Variants in MYO1B observed in about 807,000 individuals in gnomAD.
MYO1B encodes myosin IB, also known as unconventional myosin-Ib.
Under a neutral mutation model 159.7 loss-of-function variants are expected in MYO1B, and 72 were observed. That is an observed-to-expected ratio of 0.45 (90% CI 0.37 to 0.55). MYO1B has a LOEUF of 0.55. MYO1B is among the 20% of genes least tolerant of loss of function. The pLI is 0.00. For missense variants in MYO1B, 1,062 were observed against 1,364.8 expected (o/e 0.78, Z 3.50); for synonymous variants, 468 against 473.8 (o/e 0.99, Z 0.16).
In MYO1B at chr2:191,334,302, A is replaced by G. The variant is rs187980682; in HGVS notation, c.346+4273A>G. 7.2e-5 allele frequency among the ~76,000 whole-genome samples: 11 copies of G among 152,152 alleles called. No homozygotes were observed. In the East Asian group the frequency reaches 2.1e-3, roughly 29 times the overall value. ...GTATGTGACATCCGCCTTCTCAGAG[A>G]GTTCTTAACACTACTACTTCCTCCT... On this transcript the variant is annotated intron_variant, in intron 4 of 30. Coordinates refer to ENST00000392318, the MANE Select transcript of MYO1B (RefSeq NM_001130158.3).
chr2:191,258,815 G>C (rs1050641366), intron 1 of MYO1B, among the ~76,000 whole-genome samples: 1 of 152,206 alleles, frequency 6.6e-6, no homozygotes. Context: ...AGAACTGCCA[G>C]CCCAGTCTTA....
At chr2:191,252,294 T>G (rs1158257988) in intron 1 of MYO1B, among the ~76,000 whole-genome samples, 3 of 152,240 alleles carry the variant, frequency 2.0e-5, no homozygotes, top group African/African-American at 7.2e-5. Context: ...CATAAAAATG[T>G]ATGAACTGCC....
intron 27 of MYO1B, among the ~76,000 whole-genome samples, chr2:191,411,527 T>TGGCA (rs1697246912): frequency 6.6e-6 from 1 of 152,234 alleles, no homozygotes; most frequent in Admixed American, 6.5e-5. Context: ...AAATTTCTGT[T>TGGCA]GGCAATATAC....
chr2:191,385,860 A>G lies in MYO1B; in HGVS notation c.1354-24A>G, dbSNP rs761216699. The G allele has an allele frequency of 3.7e-6, 6 of 1,611,136 alleles. No homozygotes were observed. In the Admixed American group the frequency reaches 1.0e-4, roughly 27 times the overall value. ...AACAATATAGTGAGGAAGGAAGGAAACTTTTTTATTTCCGTTTTCCCAGAA... is the reference window on the plus strand; with the variant it reads ...AACAATATAGTGAGGAAGGAAGGAAGCTTTTTTATTTCCGTTTTCCCAGAA... On this transcript the variant is annotated intron_variant, in intron 15 of 30. Transcript: ENST00000392318.
In MYO1B at chr2:191,280,095, G is replaced by A. The variant is rs115141917; in HGVS notation, c.135+3065G>A. Among the ~76,000 whole-genome samples, 532 of 152,222 alleles carry A rather than the reference G, an allele frequency of 3.5e-3. 1 individual carries two copies. The highest frequency in any genetic ancestry group is 0.012 in the African/African-American group (510 of 41,522). Reference sequence around the variant, plus strand: ...TAGTCTGTATCTTCCCAGAGCTCTCGTGAGGGATTGCTTTGCCCCTGGGTA... The same window carrying A: ...TAGTCTGTATCTTCCCAGAGCTCTCATGAGGGATTGCTTTGCCCCTGGGTA... On this transcript the variant is annotated intron_variant, in intron 2 of 30. Transcript: ENST00000392318.
chr2:191,287,906 A>G (rs928802598), intron 2 of MYO1B, among the ~76,000 whole-genome samples: 2 of 130,326 alleles, frequency 1.5e-5, no homozygotes, highest in African/African-American at 5.8e-5. Flanking sequence ...AGAATTTTTT[A>G]TTCCAGTCGT....
chr2:191,330,112 A>C (rs1178460553), intron 4 of MYO1B, 83 bp downstream of exon 4: 1 of 1,193,054 alleles, frequency 8.4e-7, no homozygotes, highest in Non-Finnish European at 1.2e-6. Context: ...GGGCCTCCTT[A>C]GCAAGATCTG....
chr2:191,277,685 C>G (rs529868411), intron 2 of MYO1B, among the ~76,000 whole-genome samples: 76 of 152,284 alleles, frequency 5.0e-4, no homozygotes, highest in African/African-American at 1.7e-3. Context: ...TTATATGCAG[C>G]TTTTCTGGAG....
intron 15 of MYO1B, among the ~76,000 whole-genome samples, chr2:191,384,027 G>C (rs1241813599): frequency 1.3e-5 from 2 of 152,304 alleles, no homozygotes; most frequent in East Asian, 1.9e-4. Context: ...ACTGCAGGTG[G>C]CCAGGGACCT....
intron 14 of MYO1B, 128 bp downstream of exon 14, chr2:191,381,694 A>G: frequency 4.5e-6 from 3 of 669,220 alleles, no homozygotes; most frequent in Non-Finnish European, 7.6e-6. Flanking sequence ...TCCATCTGTC[A>G]TTCTAGAAGA....
intron 17 of MYO1B, 80 bp from the exon 18 acceptor site, chr2:191,390,212 A>ATAT: frequency 7.7e-7 from 1 of 1,292,996 alleles, no homozygotes; most frequent in Admixed American, 2.3e-5. Context: ...TGAAACAGTT[A>ATAT]TATATAATAC....
chr2:191,306,008 A>G (rs916355971), intron 3 of MYO1B, among the ~76,000 whole-genome samples: 2 of 152,142 alleles, frequency 1.3e-5, no homozygotes, highest in African/African-American at 4.8e-5. Flanking sequence ...TGGGGACACA[A>G]TGGACAAAAA....
At chr2:191,381,616 A>G (rs1419214861) in intron 14 of MYO1B, 50 bp downstream of exon 14, 1 of 1,314,854 alleles carries the variant, frequency 7.6e-7, no homozygotes, top group African/African-American at 1.5e-5. Flanking sequence ...TTTACTCGTA[A>G]TATAAATTCT....
intron 13 of MYO1B, among the ~76,000 whole-genome samples, chr2:191,379,570 C>T (rs564815296): frequency 6.6e-6 from 1 of 152,200 alleles, no homozygotes; most frequent in African/African-American, 2.4e-5. Flanking sequence ...TGTCTGAGGA[C>T]ACTAGTGCTT....
At position 191,288,025 on chromosome 2, in the gene MYO1B, G is replaced by A. The variant is rs138882726; in HGVS notation, c.136-8086G>A. The stretch of plus-strand genomic sequence containing the variant: ...TGTCTGTGTTTTAATCTGTATTCTA[G>A]CATGTGTCAGAATTCCCTTCCTTTT... On this transcript the variant is annotated intron_variant, in intron 2 of 30. Coordinates refer to ENST00000392318, the MANE Select transcript of MYO1B (RefSeq NM_001130158.3). 3.5e-4 allele frequency among the ~76,000 whole-genome samples: 54 copies of A among 152,130 alleles called. 3 individuals carry two copies. In the South Asian group the frequency reaches 0.011, roughly 30 times the overall value.
At chr2:191,251,351 G>A (rs1686102575) in intron 1 of MYO1B, among the ~76,000 whole-genome samples, 1 of 152,236 alleles carries the variant, frequency 6.6e-6, no homozygotes, top group Non-Finnish European at 1.5e-5. Context: ...TTGCAGAGCT[G>A]GGTTTTGGGA....
chr2:191,263,393 GCAGTTTTAATTTCTAAAC>G (rs1418918241), intron 1 of MYO1B: 9 of 961,398 alleles, frequency 9.4e-6, no homozygotes, highest in Non-Finnish European at 1.1e-5. Context: ...AAGTTGGTAA[GCAGTTTTAATTTCTAAAC>G]CAGAGGGGCC....
Position 191,385,945 on chromosome 2 carries a change from A to G in MYO1B, c.1415A>G (p.Asp472Gly). The change falls in exon 16 of 31, where the codon GAT becomes GGT. Residue 472 changes from aspartate (D) to glycine (G), a missense_variant. Physicochemically the swap from Asp to Gly is moderately conservative, Grantham distance 94 (BLOSUM62 -1). Around this residue, in one of 5 missense-constraint regions of MYO1B, gnomAD observed 9 missense variants for 31.9 expected, o/e 0.28. Coordinates refer to ENST00000392318, the MANE Select transcript of MYO1B (RefSeq NM_001130158.3). ...TGCCTCAGACCTGGCACAGTCACTGATGAGACCTTCTTAGAAAAGCTGAAC... is the reference window on the plus strand; with the variant it reads ...TGCCTCAGACCTGGCACAGTCACTGGTGAGACCTTCTTAGAAAAGCTGAAC... ...EECLRPGTVT[D>G]ETFLEKLNQV... 1 of 1,614,178 alleles carries G rather than the reference A, an allele frequency of 6.2e-7. No homozygotes were observed. The highest frequency in any genetic ancestry group is 1.1e-5 in the South Asian group (1 of 91,080).
intron 6 of MYO1B, among the ~76,000 whole-genome samples, chr2:191,347,745 G>C (rs1692659757): frequency 6.6e-6 from 1 of 152,126 alleles, no homozygotes; most frequent in Admixed American, 6.5e-5. Context: ...TGTGGTCTGT[G>C]ACTTGACTAG....
Sources: allele counts gnomAD v4.1 joint callset (sites outside exome capture counted in the v4.1 genomes callset), GRCh38; gene constraint gnomAD v4.1.1; regional missense constraint gnomAD v4.1.1; transcripts MANE v1.5; gene names NCBI Gene and HGNC (gene_info 2026-07-23, HGNC 2026-07-21).